KCNH5: variants seen among roughly 807,000 people sequenced by gnomAD.
The protein encoded by KCNH5 is voltage-gated delayed rectifier potassium channel KCNH5.
In KCNH5, 46 loss-of-function variants were observed where a neutral mutation model predicts 96.1. The ratio of observed to expected loss-of-function variants is 0.48; its 90% CI spans 0.38 to 0.61. The LOEUF (loss-of-function observed/expected upper bound fraction) is 0.61, where lower values mean the gene tolerates loss of function less well. Among genes scored for constraint, KCNH5 ranks in the 20% least tolerant of loss-of-function variants. KCNH5 has a pLI of 0.00. For synonymous variants in KCNH5, 439 were observed against 449.8 expected (o/e 0.98, Z 0.30); for missense variants, 907 against 1,225.8 (o/e 0.74, Z 3.88).
Position 62,708,364 on chromosome 14 carries a change from T to A in KCNH5, c.2111A>T (p.His704Leu), listed in dbSNP as rs1198615342. The A allele has an allele frequency of 7.4e-6, 12 of 1,613,846 alleles. No homozygotes were observed. The highest frequency in any genetic ancestry group is 3.3e-5 in the South Asian group (3 of 91,080). Residue 704 changes from histidine to leucine, a missense_variant, in exon 11 of 11, where the codon CAC becomes CTC. His to Leu is a moderately conservative substitution (Grantham distance 99). This residue lies in a region of KCNH5 where 362 missense variants were observed against 394.4 expected (regional missense o/e 0.92). Transcript: ENST00000322893. The stretch of plus-strand genomic sequence containing the variant: ...CTTCTGGAAGAGCTTTCTGACTGGG[T>A]GGTCCACGGGAATGCTGAGGGTCAC... ...NEVTLSIPVD[H>L]PVRKLFQKFK...
intron 10 of KCNH5, among the ~76,000 whole-genome samples, chr14:62,711,774 T>C (rs898173208): frequency 1.3e-5 from 2 of 152,126 alleles, no homozygotes; most frequent in African/African-American, 4.8e-5. Context: ...ACGTACTCAT[T>C]TGTGAATTCA....
intron 9 of KCNH5, among the ~76,000 whole-genome samples, chr14:62,780,561 T>C (rs959430506): frequency 2.0e-5 from 3 of 152,088 alleles, no homozygotes; most frequent in African/African-American, 7.2e-5. Flanking sequence ...AAATGTATTA[T>C]CCCATGAACA....
Position 62,708,165 on chromosome 14 carries a change from G to T in KCNH5, c.2310C>A (p.Thr770=), listed in dbSNP as rs774704600. The change falls in exon 11 of 11, where the codon ACC becomes ACA. Residue 770 remains threonine, a synonymous_variant. Coordinates refer to ENST00000322893, the MANE Select transcript of KCNH5 (RefSeq NM_139318.5). The part of the protein sequence containing the change: ...PIQTSLAYVK[T]SESLKQNNRD... The stretch of plus-strand genomic sequence containing the variant: ...GGTTGTTCTGCTTAAGGGATTCACT[G>T]GTTTTCACATAGGCCAGAGACGTCT... 6.2e-7 allele frequency: 1 copy of T among 1,614,212 alleles called. No individual in the cohort carries two copies. The highest frequency in any genetic ancestry group is 1.1e-5 in the South Asian group (1 of 91,086).
At chr14:62,957,477 T>C (rs1890126024) in intron 6 of KCNH5, among the ~76,000 whole-genome samples, 1 of 152,212 alleles carries the variant, frequency 6.6e-6, no homozygotes, top group Admixed American at 6.5e-5. Context: ...TCTGGTAGAT[T>C]GTTTCAAAAA....
intron 6 of KCNH5, among the ~76,000 whole-genome samples, chr14:62,955,891 G>C (rs930459870): frequency 1.1e-4 from 17 of 152,078 alleles, no homozygotes; most frequent in Non-Finnish European, 7.4e-5. Context: ...CAGGTTGAAC[G>C]AATCGTCCAA....
chr14:62,851,795 C>G (rs1887812489), intron 7 of KCNH5, among the ~76,000 whole-genome samples: 1 of 152,024 alleles, frequency 6.6e-6, no homozygotes, highest in African/African-American at 2.4e-5. Context: ...ACATGTTTAA[C>G]TTGTTTGGCT....
At chr14:62,826,407 C>CGTGTGTGTGT (rs1566673515) in intron 8 of KCNH5, among the ~76,000 whole-genome samples, 4 of 53,742 alleles carry the variant, frequency 7.4e-5, no homozygotes, top group African/African-American at 3.7e-4. Context: ...TGCGTGCGTG[C>CGTGTGTGTGT]ATGTGTGTGT....
At chr14:63,012,716 A>G (rs1409651357) in intron 2 of KCNH5, among the ~76,000 whole-genome samples, 1 of 152,082 alleles carries the variant, frequency 6.6e-6, no homozygotes, top group African/African-American at 2.4e-5. Context: ...ACAACATTAG[A>G]CAACAATCAG....
chr14:62,743,853 T>A (rs2139937564), intron 10 of KCNH5, among the ~76,000 whole-genome samples: 1 of 152,288 alleles, frequency 6.6e-6, no homozygotes, highest in African/African-American at 2.4e-5. Context: ...AAGAAAGCTC[T>A]CTTAGCAAGG....
chr14:62,834,315 T>C (rs982364773), intron 8 of KCNH5, among the ~76,000 whole-genome samples: 1 of 152,036 alleles, frequency 6.6e-6, no homozygotes, highest in Non-Finnish European at 1.5e-5. Context: ...CAAATTTATG[T>C]GTCTTTCTGA....
chr14:62,866,242 T>C (rs1339064734), intron 7 of KCNH5, among the ~76,000 whole-genome samples: 2 of 152,202 alleles, frequency 1.3e-5, no homozygotes, highest in Non-Finnish European at 2.9e-5. Context: ...TTCACAAAAA[T>C]GGCACTGGTT....
intron 6 of KCNH5, among the ~76,000 whole-genome samples, chr14:62,954,886 T>C (rs1890071855): frequency 6.6e-6 from 1 of 152,066 alleles, no homozygotes; most frequent in Admixed American, 6.6e-5. Context: ...GCAGATCTCA[T>C]GAGACTTATT....
At chr14:62,995,526 T>G (rs1890890854) in intron 4 of KCNH5, among the ~76,000 whole-genome samples, 1 of 152,176 alleles carries the variant, frequency 6.6e-6, no homozygotes, top group Non-Finnish European at 1.5e-5. Flanking sequence ...CTTCTGCATC[T>G]ATACCTCTTT....
chr14:62,899,958 T>C (rs185137780), intron 7 of KCNH5, among the ~76,000 whole-genome samples: 98 of 152,354 alleles, frequency 6.4e-4, no homozygotes, highest in Non-Finnish European at 8.2e-4. Flanking sequence ...AACTGTATCT[T>C]GTAATCAACA....
chr14:62,790,027 T>C (rs1039940470), intron 9 of KCNH5, among the ~76,000 whole-genome samples: 3 of 151,836 alleles, frequency 2.0e-5, no homozygotes, highest in Non-Finnish European at 4.4e-5. Context: ...ACGTGTTTTA[T>C]GGTTTCAGGT....
chr14:62,787,011 A>C (rs1035282456), intron 9 of KCNH5, among the ~76,000 whole-genome samples: 2 of 152,164 alleles, frequency 1.3e-5, no homozygotes, highest in African/African-American at 4.8e-5. Context: ...ATGGCTTCCA[A>C]GTGTTCAAGC....
intron 10 of KCNH5, among the ~76,000 whole-genome samples, chr14:62,777,956 T>C (rs1886133326): frequency 1.3e-5 from 2 of 152,122 alleles, no homozygotes; most frequent in Admixed American, 6.5e-5. Context: ...GCATTGCAAA[T>C]GTGTCACTTG....
intron 10 of KCNH5, 131 bp from the exon 11 acceptor site, chr14:62,708,586 A>T (rs1165621699): frequency 1.8e-6 from 1 of 564,602 alleles, no homozygotes. Context: ...ATTTCTCAAG[A>T]AAAAAAAATT....
intron 10 of KCNH5, among the ~76,000 whole-genome samples, chr14:62,747,514 A>G (rs1885403550): frequency 3.9e-5 from 6 of 152,242 alleles, no homozygotes; most frequent in Admixed American, 3.9e-4. Context: ...CATGGTTATA[A>G]GGACAGTATC....
Sources: gnomAD v4.1 joint callset for allele counts (sites outside exome capture counted in the v4.1 genomes callset) on GRCh38, gnomAD v4.1.1 for gene constraint, gnomAD v4.1.1 regional missense constraint, MANE v1.5 for transcripts, NCBI Gene and HGNC (gene_info 2026-07-23, HGNC 2026-07-21) for gene names.